The following PHACTR2 variants were observed in gnomAD, a reference collection of about 807,000 sequenced individuals.
PHACTR2 encodes the protein chromosome 6 open reading frame 56.
A neutral mutation model predicts 76.0 loss-of-function variants in PHACTR2; 30 were observed. That is an observed-to-expected ratio of 0.39 (90% confidence interval 0.30 to 0.54). The LOEUF is 0.54. PHACTR2 is among the 20% of genes least tolerant of loss of function. The probability of loss-of-function intolerance (pLI) is 0.61; values close to 1 mark genes in which losing one functional copy is unlikely to be tolerated. For synonymous variants in PHACTR2, 292 were observed against 292.5 expected, an observed-to-expected ratio of 1.00 and a Z score of 0.02; for missense variants, 696 against 781.1, an observed-to-expected ratio of 0.89 and a Z score of 1.30.
At position 143,548,674 on chromosome 6, in the gene PHACTR2, C is replaced by T. The variant is rs1174065737; in HGVS notation, c.217+11467C>T. On this transcript the variant is annotated intron_variant, in intron 1 of 11. Transcript: ENST00000367584. This position sits in a 1 kb window ranked among gnomAD's most constrained non-coding sequence, Gnocchi z 4.5. The stretch of plus-strand genomic sequence containing the variant: ...GATGAGAGGTGGGGGACTGGGAAAA[C>T]ACAACAAAAGCATTCATTACCTCCT... Among the ~76,000 whole-genome samples, 1 of 151,904 alleles carries T rather than the reference C, an allele frequency of 6.6e-6. No homozygotes were observed. Among genetic ancestry groups the T allele is most frequent in the Non-Finnish European group, 1.5e-5 (1 of 67,944 alleles).
In PHACTR2 at chr6:143,738,608, T is replaced by C. The variant is rs966706094; in HGVS notation, c.215-10377T>C. ...CTTAAAAAAAATACAAAACAAAAAT[T>C]AGCTGGGCATGGTGGTGCATGCCTG... is the stretch of plus-strand genomic sequence containing the variant. On this transcript the variant is annotated intron_variant, in intron 2 of 12. Coordinates refer to ENST00000440869, the MANE Select transcript of PHACTR2 (RefSeq NM_001100164.2). The surrounding 1 kb of genome is among the most constrained non-coding windows in gnomAD (Gnocchi z 4.0). Among the ~76,000 whole-genome samples, 2 of 150,990 alleles carry C rather than the reference T, an allele frequency of 1.3e-5. No homozygotes were observed. Among genetic ancestry groups the C allele is most frequent in the African/African-American group, 4.9e-5 (2 of 41,082 alleles).
In PHACTR2 at chr6:143,824,494, G is replaced by A. The variant is rs1239178097; in HGVS notation, c.*805G>A. The A allele has an allele frequency of 6.6e-6, 1 of 152,620 alleles. No homozygotes were observed. Among genetic ancestry groups the A allele is most frequent in the Non-Finnish European group, 1.5e-5 (1 of 68,050 alleles). The allele number at this position is 152,620 out of a possible 1,614,324, so 9.5% of individuals were successfully genotyped here. A position where few individuals can be genotyped will look rare whatever the true frequency, so the allele number is the denominator to read the frequency against. ...TGTACCAGCCTTCACAGGATAAGAGGACTGGGAATAAAGTCAGATGTAATG... is the reference window on the plus strand; with the variant it reads ...TGTACCAGCCTTCACAGGATAAGAGAACTGGGAATAAAGTCAGATGTAATG... On this transcript the variant is annotated 3_prime_UTR_variant, in exon 13 of 13. Transcript: ENST00000440869. This position sits in a 1 kb window ranked among gnomAD's most constrained non-coding sequence, Gnocchi z 6.3.
intron 12 of PHACTR2, among the ~76,000 whole-genome samples, chr6:143,812,659 C>T (rs747281497): frequency 2.2e-4 from 33 of 152,214 alleles, no homozygotes; most frequent in Admixed American, 7.9e-4. Context: ...GAAGTCATCC[C>T]GTGGCCCTAT....
At chr6:143,630,499 C>T (rs915235622) in intron 1 of PHACTR2, among the ~76,000 whole-genome samples, 4 of 152,148 alleles carry the variant, frequency 2.6e-5, no homozygotes, top group African/African-American at 9.7e-5. Context: ...GTTGTGATAA[C>T]TGTTATTGAC....
In PHACTR2 at chr6:143,570,174, T is replaced by A. The variant is rs1424541214; in HGVS notation, c.217+32967T>A. 6.7e-6 allele frequency among the ~76,000 whole-genome samples: 1 copy of A among 150,350 alleles called. No homozygotes were observed. On this transcript the variant is annotated intron_variant, in intron 1 of 11. Transcript: ENST00000367584. This position sits in a 1 kb window ranked among gnomAD's most constrained non-coding sequence, Gnocchi z 4.6. ...AATCAGATTTAACCAAAGATCAGCA[T>A]TCGTGGCATCATAACATTTAAGAAT...
upstream of PHACTR2, chr6:143,608,173 T>A: frequency 1.2e-6 from 1 of 835,382 alleles, no homozygotes; most frequent in Non-Finnish European, 2.0e-6. The surrounding 1 kb of genome is among the most constrained non-coding windows in gnomAD (Gnocchi z 4.6). Context: ...CGGTGTCTCC[T>A]GCAGACAGTG....
chr6:143,737,178 AC>A (rs1167761284), intron 2 of PHACTR2, among the ~76,000 whole-genome samples: 2 of 151,610 alleles, frequency 1.3e-5, no homozygotes, highest in Non-Finnish European at 2.9e-5. Flanking sequence ...TATACAGGAA[AC>A]AATATAGGAC....
At chr6:143,612,418 G>C (rs10457749) in intron 1 of PHACTR2, among the ~76,000 whole-genome samples, 40,296 of 152,074 alleles carry the variant, frequency 0.26, 7,021 homozygotes, top group Non-Finnish European at 0.39. Flanking sequence ...TACCTAATGG[G>C]GCAGAGATCC....
chr6:143,678,978 A>G lies in PHACTR2; in HGVS notation c.46+769A>G, dbSNP rs1777323757. ...AAACTGTTTGGTGGTGTTACTTGTG[A>G]TTGGATAAGGAAATAAATTTAAAAG... On this transcript the variant is annotated intron_variant, in intron 1 of 12. Transcript: ENST00000440869. This position sits in a 1 kb window ranked among gnomAD's most constrained non-coding sequence, Gnocchi z 6.2. 1.3e-5 allele frequency among the ~76,000 whole-genome samples: 2 copies of G among 151,652 alleles called. No individual in the cohort carries two copies. The highest frequency in any genetic ancestry group is 1.3e-4 in the Admixed American group (2 of 15,230).
rs17073044 is a variant in PHACTR2 at position 143,754,761 on chromosome 6, T to C, written c.454+849T>C. Among the ~76,000 whole-genome samples, 1,959 of 152,320 alleles carry C rather than the reference T, an allele frequency of 0.013. 43 individuals carry two copies. The highest frequency in any genetic ancestry group is 0.043 in the African/African-American group (1,770 of 41,570). ...AGATTCTAGATGCCTCCATGCAGCA[T>C]AGAAAGGAATCTTTAGGAAATATAC... On this transcript the variant is annotated intron_variant, in intron 4 of 12. Coordinates refer to ENST00000440869, the MANE Select transcript of PHACTR2 (RefSeq NM_001100164.2). The surrounding 1 kb of genome is among the most constrained non-coding windows in gnomAD (Gnocchi z 6.2).
intron 1 of PHACTR2, among the ~76,000 whole-genome samples, chr6:143,577,205 A>C (rs1775525784): frequency 6.6e-6 from 1 of 152,200 alleles, no homozygotes; most frequent in Non-Finnish European, 1.5e-5. Context: ...TCAGTCTTTT[A>C]AAATTGTATT....
In PHACTR2 at chr6:143,736,598, G is replaced by A. The variant is rs538582928; in HGVS notation, c.215-12387G>A. On this transcript the variant is annotated intron_variant, in intron 2 of 12. Transcript: ENST00000440869. ...TTTTTTTTTTTTTTTTTTTTGAGAC[G>A]GAGCCTTGCTCTGTCACCCAGGCTG... Among the ~76,000 whole-genome samples the A allele has an allele frequency of 2.0e-4, 18 of 90,424 alleles. No individual in the cohort carries two copies. The South Asian group carries it at 6.9e-3, about 35-fold the overall frequency. 59.3% of individuals were successfully genotyped at this position (90,424 alleles called of 152,430 possible).
At chr6:143,649,327 A>ATTC (rs1408056777) in intron 1 of PHACTR2, among the ~76,000 whole-genome samples, 3 of 151,938 alleles carry the variant, frequency 2.0e-5, no homozygotes, top group Non-Finnish European at 4.4e-5. Flanking sequence ...GCTGGTAAAC[A>ATTC]CTAACTAATT....
In PHACTR2 at chr6:143,550,062, C is replaced by T. The variant is rs1251320810; in HGVS notation, c.217+12855C>T. Reference sequence around the variant, plus strand: ...GATATCCCAATGCATCAGTGGACTACTCAAATCAAACGTAATGGCCTGCTG... The same window carrying T: ...GATATCCCAATGCATCAGTGGACTATTCAAATCAAACGTAATGGCCTGCTG... On this transcript the variant is annotated intron_variant, in intron 1 of 11. Transcript: ENST00000367584. This position sits in a 1 kb window ranked among gnomAD's most constrained non-coding sequence, Gnocchi z 4.8. Among the ~76,000 whole-genome samples the T allele has an allele frequency of 6.6e-6, 1 of 152,010 alleles. No individual in the cohort carries two copies. Among genetic ancestry groups the T allele is most frequent in the East Asian group, 1.9e-4 (1 of 5,198 alleles).
In PHACTR2 at chr6:143,802,290, A is replaced by T. The variant is rs560922813; in HGVS notation, c.1846-4767A>T. Reference sequence around the variant, plus strand: ...TGGTTGTACAACCCAGCACCATTGGAGCTCTGATCCCCCATAACCTCAGCC... The same window carrying T: ...TGGTTGTACAACCCAGCACCATTGGTGCTCTGATCCCCCATAACCTCAGCC... On this transcript the variant is annotated intron_variant, in intron 11 of 12. Coordinates refer to ENST00000440869, the MANE Select transcript of PHACTR2 (RefSeq NM_001100164.2). 6.6e-5 allele frequency among the ~76,000 whole-genome samples: 10 copies of T among 152,004 alleles called. No homozygotes were observed. In the South Asian group the frequency reaches 2.1e-3, roughly 32 times the overall value.
In PHACTR2 at chr6:143,610,853, G is replaced by A. The variant is rs1308685362; in HGVS notation, c.13+2531G>A. On this transcript the variant is annotated intron_variant, in intron 1 of 11. Coordinates refer to the PHACTR2 transcript ENST00000305766. This position sits in a 1 kb window ranked among gnomAD's most constrained non-coding sequence, Gnocchi z 4.9. ...AACAATAAAATATTTATCAAACTGT[G>A]TGTGTGGAATATGTCAGGGCAATTT... is the stretch of plus-strand genomic sequence containing the variant. 6.6e-6 allele frequency among the ~76,000 whole-genome samples: 1 copy of A among 152,014 alleles called. No individual in the cohort carries two copies. The highest frequency in any genetic ancestry group is 1.5e-5 in the Non-Finnish European group (1 of 68,022).
Position 143,659,891 on chromosome 6 carries a change from T to A in PHACTR2, c.13+51569T>A, listed in dbSNP as rs79660304. Among the ~76,000 whole-genome samples, 1,070 of 152,260 alleles carry A rather than the reference T, an allele frequency of 7.0e-3. 3 individuals are homozygous for A. The highest frequency in any genetic ancestry group is 0.011 in the Non-Finnish European group (748 of 68,012). ...ACTGGTGTATTTCAACCAAATCAAT[T>A]TTTAAACAAAAGACAAAGGCCAGTA... is the stretch of plus-strand genomic sequence containing the variant. On this transcript the variant is annotated intron_variant, in intron 1 of 11. Transcript: ENST00000305766. This position sits in a 1 kb window ranked among gnomAD's most constrained non-coding sequence, Gnocchi z 5.0.
At position 143,570,012 on chromosome 6, in the gene PHACTR2, A is replaced by G. The variant is rs1158562771; in HGVS notation, c.217+32805A>G. ...AGTAGATGTTTTTGAATGAGTAAAC[A>G]TTACTATAAAAAATGTTTAAATCTA... On this transcript the variant is annotated intron_variant, in intron 1 of 11. Transcript: ENST00000367584. The surrounding 1 kb of genome is among the most constrained non-coding windows in gnomAD (Gnocchi z 4.6). Among the ~76,000 whole-genome samples, 5 of 152,200 alleles carry G rather than the reference A, an allele frequency of 3.3e-5. No individual in the cohort carries two copies. The highest frequency in any genetic ancestry group is 1.2e-4 in the African/African-American group (5 of 41,442).
intron 3 of PHACTR2, among the ~76,000 whole-genome samples, chr6:143,752,839 C>T (rs961357640): frequency 6.6e-6 from 1 of 152,108 alleles, no homozygotes; most frequent in East Asian, 1.9e-4. Context: ...TTTTCTTTTA[C>T]AATGCTAGCA....
Sources: allele counts gnomAD v4.1 joint callset (sites outside exome capture counted in the v4.1 genomes callset), GRCh38; gene constraint gnomAD v4.1.1; non-coding constraint Gnocchi (gnomAD v3.1); transcripts MANE v1.5; gene names NCBI Gene and HGNC (gene_info 2026-07-23, HGNC 2026-07-21).